Variants in ADH1B observed in about 807,000 individuals in gnomAD.
ADH1B encodes alcohol dehydrogenase 1B (class I), beta polypeptide, also known as all-trans-retinol dehydrogenase [NAD(+)] ADH1B.
ADH1B carries 29 observed loss-of-function variants against 34.6 expected under a neutral mutation model. The ratio of observed to expected loss-of-function variants is 0.84; its 90% CI spans 0.62 to 1.14. The LOEUF (loss-of-function observed/expected upper bound fraction) is 1.14. Among genes scored for constraint, ADH1B ranks in the 50% most tolerant of loss-of-function variants. The pLI is 0.00. For synonymous variants in ADH1B, 170 were observed against 175.5 expected (o/e 0.97, Z 0.25); for missense variants, 424 against 468.4 (o/e 0.91, Z 0.87).
chr4:99,305,565 A>ATG lies in ADH1B; in HGVS notation c.*2274_*2275insCA, dbSNP rs1560524530. The ATG allele has an allele frequency of 6.4e-4, 12 of 18,622 alleles. 1 individual carries two copies. Among genetic ancestry groups the ATG allele is most frequent in the African/African-American group, 2.9e-3 (11 of 3,820 alleles). The allele number at this position is 18,622 out of a possible 1,614,324, so 1.2% of individuals were successfully genotyped here. A position where few individuals can be genotyped will look rare whatever the true frequency, so the allele number is the denominator to read the frequency against. ...ATGAACCACTTGCCCCATAGTGTAT[A>ATG]TATATATATATATATATATATATAT... On this transcript the variant is annotated 3_prime_UTR_variant, in exon 9 of 9. Coordinates refer to ENST00000305046, the MANE Select transcript of ADH1B (RefSeq NM_000668.6).
intron 5 of ADH1B, chr4:99,315,348 C>G (rs1733854619): frequency 6.1e-6 from 1 of 165,102 alleles, no homozygotes; most frequent in Admixed American, 5.5e-5. Flanking sequence ...TTAGTTTTAG[C>G]AGTGAAATCC....
intron 2 of ADH1B, 140 bp from the exon 3 acceptor site, chr4:99,318,324 G>T (rs1733940461): frequency 8.8e-7 from 1 of 1,140,358 alleles, no homozygotes; most frequent in Non-Finnish European, 1.3e-6. Context: ...AAATATGAAA[G>T]ATTCAGTTTA....
Position 99,306,971 on chromosome 4 carries a change from A to C in ADH1B, c.*869T>G, listed in dbSNP as rs1457769923. 4 of 152,198 alleles carry C rather than the reference A, an allele frequency of 2.6e-5. No individual in the cohort carries two copies. Among genetic ancestry groups the C allele is most frequent in the Non-Finnish European group, 5.9e-5 (4 of 68,030 alleles). The allele number at this position is 152,198 out of a possible 1,614,324, so 9.4% of individuals were successfully genotyped here. ...CATTTGCCATCCCATCTCTACACTT[A>C]AAGCCACCATATTACTTTTAATTAC... is the stretch of plus-strand genomic sequence containing the variant. On this transcript the variant is annotated 3_prime_UTR_variant, in exon 9 of 9. Transcript: ENST00000305046.
chr4:99,320,889 C>A, intron 1 of ADH1B: 3 of 1,271,366 alleles, frequency 2.4e-6, no homozygotes, highest in Non-Finnish European at 3.0e-6. Context: ...AAATTCCTCT[C>A]ATCAAACTTC....
intron 8 of ADH1B, among the ~76,000 whole-genome samples, chr4:99,308,344 C>T (rs1214921333): frequency 6.7e-6 from 1 of 149,686 alleles, no homozygotes; most frequent in Non-Finnish European, 1.5e-5. Context: ...AGATTTGTAA[C>T]TTGCTCTGGT....
In ADH1B at chr4:99,310,793, CT is replaced by C. The variant is rs1279961083; in HGVS notation, c.1074del (p.Gly359AspfsTer15). 6.2e-7 allele frequency: 1 copy of C among 1,611,164 alleles called. No individual in the cohort carries two copies. Among genetic ancestry groups the C allele is most frequent in the Non-Finnish European group, 8.5e-7 (1 of 1,179,248 alleles). On this transcript the variant is annotated frameshift_variant, in exon 8 of 9. Transcript: ENST00000305046. LOFTEE classifies it high-confidence loss of function. Reference sequence around the variant, plus strand: ...TTCCCAGAGTGAAGCAGGTCAAATCCTTCATTTATTTTTTCAAAAGGTAAAA... The same window carrying C: ...TTCCCAGAGTGAAGCAGGTCAAATCCTCATTTATTTTTTCAAAAGGTAAAA... ...THVLPFEKIN[E>X]GFDLLHSGKS...
chr4:99,309,769 C>T (rs538738015), intron 8 of ADH1B, among the ~76,000 whole-genome samples: 3 of 152,068 alleles, frequency 2.0e-5, no homozygotes, highest in African/African-American at 4.8e-5. Flanking sequence ...ATGTCTTCTC[C>T]GAGTCTCAGT....
Position 99,311,616 on chromosome 4 carries a change from C to A in ADH1B, c.869G>T (p.Ser290Ile). Residue 290 changes from serine to isoleucine, a missense_variant, in exon 7 of 9, where the codon AGC becomes ATC. Around this residue, in one of 3 missense-constraint regions of ADH1B, gnomAD observed 130 missense variants for 151.8 expected, o/e 0.86. Coordinates refer to ENST00000305046, the MANE Select transcript of ADH1B (RefSeq NM_000668.6). The part of the protein sequence containing the change: ...LLCCHEACGT[S>I]VIVGVPPASQ... ...AGCAGGAGGTACCCCTACGATGACG[C>A]TTGTGCCACATGCCTCATGACAACA... is the stretch of plus-strand genomic sequence containing the variant. 4 of 1,614,010 alleles carry A rather than the reference C, an allele frequency of 2.5e-6. 1 individual carries two copies. The Admixed American group carries it at 6.7e-5, about 27-fold the overall frequency.
At chr4:99,313,580 T>G in intron 6 of ADH1B, 1 of 607,400 alleles carries the variant, frequency 1.6e-6, no homozygotes, top group Non-Finnish European at 2.7e-6. Flanking sequence ...ATTGCTCAGT[T>G]AAGAAAAACA....
At chr4:99,319,380 C>T (rs1309984163) in intron 1 of ADH1B, 1 of 160,162 alleles carries the variant, frequency 6.2e-6, no homozygotes, top group Non-Finnish European at 1.4e-5. Flanking sequence ...AATGACATTT[C>T]TTTCTCTCCC....
At chr4:99,310,601 A>G (rs1160102078) in intron 8 of ADH1B, among the ~76,000 whole-genome samples, 164 bp downstream of exon 8, 3 of 152,202 alleles carry the variant, frequency 2.0e-5, no homozygotes, top group Admixed American at 1.3e-4. Flanking sequence ...ACTGTTTTCA[A>G]CTTCTCACAG....
chr4:99,318,014 C>A, intron 3 of ADH1B, 32 bp downstream of exon 3: 1 of 1,610,616 alleles, frequency 6.2e-7, no homozygotes, highest in Non-Finnish European at 8.5e-7. Context: ...GGATGGTGAA[C>A]CACACGTGTT....
In ADH1B at chr4:99,310,844, A is replaced by G; in HGVS notation, c.1024T>C (p.Ser342Pro). The change falls in exon 8 of 9, where the codon TCA (serine) becomes CCA (proline). Residue 342 changes from serine to proline, a missense_variant. By Grantham distance (74) the Ser-to-Pro change is moderately conservative. Around this residue, in one of 3 missense-constraint regions of ADH1B, gnomAD observed 130 missense variants for 151.8 expected, o/e 0.86. Transcript: ENST00000305046. ...LVADFMAKKFSLDALITHVLP... is the reference protein window; with the variant it reads ...LVADFMAKKFPLDALITHVLP... ...ACATGGGTTATTAACGCATCCAGTG[A>G]AAACTTCTTAGCCATAAAATCAGCC... The G allele has an allele frequency of 6.2e-7, 1 of 1,613,684 alleles. No individual in the cohort carries two copies.
chr4:99,310,229 T>G (rs1298876944), intron 8 of ADH1B: 3 of 276,610 alleles, frequency 1.1e-5, no homozygotes, highest in African/African-American at 4.6e-5. Flanking sequence ...ATGATAACTT[T>G]CAGTGGTAAA....
In ADH1B at chr4:99,308,316, A is replaced by T. The variant is rs1733664645; in HGVS notation, c.1104-452T>A. Among the ~76,000 whole-genome samples, 3 of 150,822 alleles carry T rather than the reference A, an allele frequency of 2.0e-5. No homozygotes were observed. In the South Asian group the frequency reaches 6.3e-4, roughly 32 times the overall value. On this transcript the variant is annotated intron_variant, in intron 8 of 8. Transcript: ENST00000305046. ...ATATTATGTCCATTTTAGAGATTAT[A>T]AAAACTGAGACTTAGAAAGATTTGT...
intron 8 of ADH1B, among the ~76,000 whole-genome samples, chr4:99,308,910 A>G (rs1733680944): frequency 6.6e-6 from 1 of 152,052 alleles, no homozygotes; most frequent in South Asian, 2.1e-4. Context: ...TGGCACATGT[A>G]TACATATGTA....
intron 8 of ADH1B, among the ~76,000 whole-genome samples, chr4:99,308,404 A>C (rs2110628386): frequency 6.7e-6 from 1 of 148,196 alleles, no homozygotes. Context: ...ACAAATTTGC[A>C]AAAATTATAA....
chr4:99,308,438 G>T (rs377640383), intron 8 of ADH1B, among the ~76,000 whole-genome samples: 1 of 150,948 alleles, frequency 6.6e-6, no homozygotes, highest in Non-Finnish European at 1.5e-5. Flanking sequence ...TTGCCTGAAA[G>T]AATTGATAAT....
Position 99,315,936 on chromosome 4 carries a change from A to C in ADH1B, c.529T>G (p.Phe177Val). 6.2e-7 allele frequency: 1 copy of C among 1,614,236 alleles called. No homozygotes were observed. Among genetic ancestry groups the C allele is most frequent in the Non-Finnish European group, 8.5e-7 (1 of 1,180,030 alleles). The change falls in exon 5 of 9, where the codon TTC (phenylalanine) becomes GTC (valine). Residue 177 changes from phenylalanine to valine, a missense_variant. Phe to Val is a conservative substitution (Grantham distance 50). Coordinates refer to ENST00000305046, the MANE Select transcript of ADH1B (RefSeq NM_000668.6). ...ACTGCAGACCCATAACCAGTCGAGAATCCACAGCCAATGAGGCAGACTTTC... is the reference window on the plus strand; with the variant it reads ...ACTGCAGACCCATAACCAGTCGAGACTCCACAGCCAATGAGGCAGACTTTC... ...LEKVCLIGCGFSTGYGSAVNV... is the reference protein window; with the variant it reads ...LEKVCLIGCGVSTGYGSAVNV...
Sources: allele counts gnomAD v4.1 joint callset (sites outside exome capture counted in the v4.1 genomes callset), GRCh38; gene constraint gnomAD v4.1.1; regional missense constraint gnomAD v4.1.1; transcripts MANE v1.5; gene names NCBI Gene and HGNC (gene_info 2026-07-23, HGNC 2026-07-21).